MCF2L2: variants seen among roughly 807,000 people sequenced by gnomAD.
MCF2L2 encodes the protein probable guanine nucleotide exchange factor MCF2L2.
In MCF2L2, 102 loss-of-function variants were observed where a neutral mutation model predicts 150.2. The ratio of observed to expected loss-of-function variants is 0.68; its 90% CI spans 0.58 to 0.80. The LOEUF (loss-of-function observed/expected upper bound fraction) is 0.80. Among genes scored for constraint, MCF2L2 ranks in the 30% least tolerant of loss-of-function variants. MCF2L2 has a pLI of 0.00. For missense variants in MCF2L2, 1,256 were observed against 1,372.8 expected, an observed-to-expected ratio of 0.91 and a Z score of 1.34; for synonymous variants, 465 against 491.3, an observed-to-expected ratio of 0.95 and a Z score of 0.71.
intron 15 of MCF2L2, among the ~76,000 whole-genome samples, chr3:183,248,336 T>A (rs1724354555): frequency 6.6e-6 from 1 of 152,154 alleles, no homozygotes; most frequent in Non-Finnish European, 1.5e-5. Flanking sequence ...AATTGGCTTT[T>A]TAGAAGTACT....
chr3:183,233,398 A>ATG (rs940112425), intron 15 of MCF2L2, among the ~76,000 whole-genome samples: 14 of 151,034 alleles, frequency 9.3e-5, no homozygotes, highest in East Asian at 5.8e-4. Flanking sequence ...AGATAGATAT[A>ATG]TGTGTGTGTG....
intron 1 of MCF2L2, among the ~76,000 whole-genome samples, chr3:183,413,758 G>C (rs2108625086): frequency 6.6e-6 from 1 of 152,252 alleles, no homozygotes; most frequent in South Asian, 2.1e-4. Context: ...GCCTGAACTT[G>C]GGTCTGTTGG....
chr3:183,428,217 G>C lies in MCF2L2; in HGVS notation c.-240C>G, dbSNP rs932348710. The C allele has an allele frequency of 1.2e-5, 6 of 497,198 alleles. No homozygotes were observed. The highest frequency in any genetic ancestry group is 2.6e-5 in the South Asian group (1 of 38,022). The allele number at this position is 497,198 out of a possible 1,614,324, so 30.8% of individuals were successfully genotyped here. On this transcript the variant is annotated 5_prime_UTR_variant, in exon 1 of 30. Transcript: ENST00000328913. This position sits in a 1 kb window ranked among gnomAD's most constrained non-coding sequence, Gnocchi z 5.1. Reference sequence around the variant, plus strand: ...TCCCAGCGTCGCAGCTGGACCGAGAGAGGAGCGGCCGTTCTGCAAAAGGAA... The same window carrying C: ...TCCCAGCGTCGCAGCTGGACCGAGACAGGAGCGGCCGTTCTGCAAAAGGAA...
Position 183,309,593 on chromosome 3 carries a change from C to A in MCF2L2, c.1113+123G>T, listed in dbSNP as rs1317817666. The A allele has an allele frequency of 3.2e-6, 4 of 1,257,462 alleles. No homozygotes were observed. The East Asian group carries it at 9.3e-5, about 29-fold the overall frequency. The allele number at this position is 1,257,462 out of a possible 1,614,324, so 77.9% of individuals were successfully genotyped here. A position where few individuals can be genotyped will look rare whatever the true frequency, so the allele number is the denominator to read the frequency against. ...CTCTCTCCTTGGGATCCTGGGGTGA[C>A]TGAAGGGCAGGACTGGGCATTCCTG... On this transcript the variant is annotated intron_variant, in intron 10 of 29. Transcript: ENST00000328913.
intron 27 of MCF2L2, among the ~76,000 whole-genome samples, chr3:183,188,072 A>G (rs1365235247): frequency 6.6e-6 from 1 of 152,160 alleles, no homozygotes; most frequent in Non-Finnish European, 1.5e-5. Context: ...GACATCTCGC[A>G]ATACTCCCAT....
chr3:183,254,680 C>T (rs1398294160), intron 15 of MCF2L2: 1 of 152,236 alleles, frequency 6.6e-6, no homozygotes, highest in Non-Finnish European at 1.5e-5. Flanking sequence ...TTGCGGCCAC[C>T]CGCCTCCGGC....
In MCF2L2 at chr3:183,267,751, G is replaced by A. The variant is rs951270501; in HGVS notation, c.1862+9121C>T. Among the ~76,000 whole-genome samples, 2 of 152,208 alleles carry A rather than the reference G, an allele frequency of 1.3e-5. No individual in the cohort carries two copies. The highest frequency in any genetic ancestry group is 4.8e-5 in the African/African-American group (2 of 41,450). On this transcript the variant is annotated intron_variant, in intron 15 of 29. Transcript: ENST00000328913. This position sits in a 1 kb window ranked among gnomAD's most constrained non-coding sequence, Gnocchi z 5.5. ...AATTCTTGAGGAAGGAGGGTGCTGC[G>A]TCCCAGTGGTGGAGGAAAAGAGAGG... is the stretch of plus-strand genomic sequence containing the variant.
At chr3:183,212,434 G>A (rs541854819) in intron 22 of MCF2L2, among the ~76,000 whole-genome samples, 5 of 152,266 alleles carry the variant, frequency 3.3e-5, no homozygotes, top group South Asian at 2.1e-4. Context: ...ATGAGCGAGC[G>A]ATAAGTTAGA....
At chr3:183,359,665 C>T (rs1712008865) in intron 3 of MCF2L2, among the ~76,000 whole-genome samples, 1 of 152,156 alleles carries the variant, frequency 6.6e-6, no homozygotes, top group Admixed American at 6.5e-5. Flanking sequence ...CTTTCTTGAA[C>T]AGCATGCTAG....
intron 3 of MCF2L2, among the ~76,000 whole-genome samples, chr3:183,368,845 G>A (rs935123778): frequency 1.3e-5 from 2 of 152,180 alleles, no homozygotes; most frequent in Admixed American, 6.5e-5. Flanking sequence ...TACTCTGATT[G>A]ATAATACTGA....
chr3:183,290,541 C>T (rs865973784), intron 13 of MCF2L2, among the ~76,000 whole-genome samples: 2,846 of 146,038 alleles, frequency 0.019, 56 homozygotes, highest in East Asian at 0.051. Context: ...TTCTTTCTTT[C>T]TTTTTTTTTT....
At chr3:183,279,974 C>T (rs1052050946) in intron 14 of MCF2L2, among the ~76,000 whole-genome samples, 3 of 151,946 alleles carry the variant, frequency 2.0e-5, no homozygotes, top group African/African-American at 7.3e-5. Flanking sequence ...GTTGAGTGAA[C>T]CAAGATTGTG....
In MCF2L2 at chr3:183,303,442, C is replaced by T. The variant is rs116574963; in HGVS notation, c.1114-3246G>A. 4.3e-3 allele frequency among the ~76,000 whole-genome samples: 655 copies of T among 152,278 alleles called. 6 individuals carry two copies. Among genetic ancestry groups the T allele is most frequent in the African/African-American group, 0.015 (624 of 41,536 alleles). On this transcript the variant is annotated intron_variant, in intron 10 of 29. Transcript: ENST00000328913. ...CCCCTTGCCAGCCACACTAAGCATC[C>T]AGTGCATCACTGCACTGCTTTAGCT...
chr3:183,294,615 G>GTGTA (rs1553776054), intron 13 of MCF2L2, among the ~76,000 whole-genome samples: 6 of 126,382 alleles, frequency 4.7e-5, no homozygotes, highest in Middle Eastern at 4.5e-3. Flanking sequence ...GTGTGTGTGT[G>GTGTA]TATATATATA....
chr3:183,389,408 T>C (rs368619268), intron 2 of MCF2L2, among the ~76,000 whole-genome samples: 2 of 152,208 alleles, frequency 1.3e-5, no homozygotes, highest in African/African-American at 2.4e-5. Flanking sequence ...CTGATGTCAG[T>C]AGTTGTCTCT....
chr3:183,419,382 CCTT>C (rs1715762300), intron 1 of MCF2L2, among the ~76,000 whole-genome samples: 1 of 152,190 alleles, frequency 6.6e-6, no homozygotes, highest in African/African-American at 2.4e-5. Context: ...ACATTCAGCT[CCTT>C]ATTACTTATG....
At chr3:183,415,949 T>C (rs1715565574) in intron 1 of MCF2L2, among the ~76,000 whole-genome samples, 1 of 152,166 alleles carries the variant, frequency 6.6e-6, no homozygotes, top group African/African-American at 2.4e-5. Context: ...TATTTTTTCA[T>C]TTACTGCTTT....
intron 15 of MCF2L2, among the ~76,000 whole-genome samples, chr3:183,276,176 C>T (rs551314887): frequency 3.3e-5 from 5 of 152,190 alleles, no homozygotes; most frequent in Admixed American, 6.5e-5. Flanking sequence ...TTGAATACAC[C>T]GTAAGTGAAA....
chr3:183,193,322 T>A (rs1041060103), intron 26 of MCF2L2, among the ~76,000 whole-genome samples: 1 of 151,904 alleles, frequency 6.6e-6, no homozygotes, highest in Non-Finnish European at 1.5e-5. Flanking sequence ...ACAGCAAACA[T>A]CTAATTGGCT....
Sources: gnomAD v4.1 joint callset for allele counts (sites outside exome capture counted in the v4.1 genomes callset) on GRCh38, gnomAD v4.1.1 for gene constraint, Gnocchi (gnomAD v3.1) non-coding constraint, MANE v1.5 for transcripts, NCBI Gene and HGNC (gene_info 2026-07-23, HGNC 2026-07-21) for gene names.